NFYC: variants seen among roughly 807,000 people sequenced by gnomAD.
NFYC encodes the protein CAAT box DNA-binding protein subunit C.
In NFYC, 25 loss-of-function variants were observed where a neutral mutation model predicts 53.1. The observed-to-expected ratio is 0.47, with a 90% CI of 0.34 to 0.66. The LOEUF (loss-of-function observed/expected upper bound fraction) is 0.66, where lower values mean the gene tolerates loss of function less well. NFYC is among the 30% of genes least tolerant of loss of function. NFYC has a pLI of 0.01. For synonymous variants in NFYC, 145 were observed against 152.6 expected (o/e 0.95, Z 0.37); for missense variants, 260 against 422.7 (o/e 0.62, Z 3.38).
chr1:40,763,107 T>C, intron 7 of NFYC, 61 bp downstream of exon 7: 1 of 1,362,282 alleles, frequency 7.3e-7, no homozygotes, highest in South Asian at 1.6e-5. Flanking sequence ...TAAAGATATA[T>C]ATACCTTGAT....
At chr1:40,751,898 T>C (rs1645933347) in intron 4 of NFYC, among the ~76,000 whole-genome samples, 1 of 152,140 alleles carries the variant, frequency 6.6e-6, no homozygotes, top group African/African-American at 2.4e-5. Flanking sequence ...AGATGGGCCC[T>C]GCTTCAGTTG....
intron 6 of NFYC, among the ~76,000 whole-genome samples, chr1:40,762,373 T>G (rs1216685263): frequency 3.9e-5 from 6 of 152,226 alleles, no homozygotes; most frequent in Non-Finnish European, 8.8e-5. Flanking sequence ...CAGCGTGCAC[T>G]AGGGCCCGCC....
At chr1:40,721,322 T>A (rs1644319206) in intron 1 of NFYC, among the ~76,000 whole-genome samples, 1 of 152,236 alleles carries the variant, frequency 6.6e-6, no homozygotes, top group South Asian at 2.1e-4. Flanking sequence ...CCAGAACATG[T>A]TTCCTTCATG....
intron 1 of NFYC, among the ~76,000 whole-genome samples, chr1:40,726,055 G>A (rs528610282): frequency 2.6e-5 from 4 of 152,162 alleles, no homozygotes; most frequent in Admixed American, 6.5e-5. Context: ...TGACTGATTC[G>A]GGTGGTAGTT....
At chr1:40,742,284 C>T (rs1398833486) in intron 2 of NFYC, among the ~76,000 whole-genome samples, 1 of 151,582 alleles carries the variant, frequency 6.6e-6, no homozygotes, top group Non-Finnish European at 1.5e-5. Flanking sequence ...ATCCGTTCAT[C>T]TGTTAATGGA....
At chr1:40,746,253 GT>G (rs1476203640) in intron 2 of NFYC, among the ~76,000 whole-genome samples, 1 of 152,188 alleles carries the variant, frequency 6.6e-6, no homozygotes, top group Non-Finnish European at 1.5e-5. Context: ...AAAAATTGGT[GT>G]TTGAAGTTTG....
At chr1:40,765,020 T>G (rs1406477091) in intron 7 of NFYC, among the ~76,000 whole-genome samples, 1 of 152,196 alleles carries the variant, frequency 6.6e-6, no homozygotes, top group African/African-American at 2.4e-5. Flanking sequence ...GGACAAGGCT[T>G]TAGTTTTTCA....
intron 1 of NFYC, among the ~76,000 whole-genome samples, chr1:40,706,723 T>C (rs1314126115): frequency 6.6e-6 from 1 of 152,152 alleles, no homozygotes; most frequent in Admixed American, 6.6e-5. Flanking sequence ...AGCTGCCTCT[T>C]AAAAAACCGA....
intron 1 of NFYC, among the ~76,000 whole-genome samples, chr1:40,707,823 T>C (rs1319999623): frequency 6.8e-6 from 1 of 147,616 alleles, no homozygotes; most frequent in Non-Finnish European, 1.5e-5. Context: ...ACACCCCAGC[T>C]TCGGTGACAG....
chr1:40,760,131 T>A (rs904643195), intron 6 of NFYC, among the ~76,000 whole-genome samples: 1 of 152,176 alleles, frequency 6.6e-6, no homozygotes, highest in Non-Finnish European at 1.5e-5. Flanking sequence ...TAATTTTTAA[T>A]TTTTTTGTGG....
At chr1:40,706,668 TGAAAA>T (rs1471032640) in intron 1 of NFYC, among the ~76,000 whole-genome samples, 14 of 151,992 alleles carry the variant, frequency 9.2e-5, no homozygotes, top group South Asian at 4.2e-4. Flanking sequence ...AAAAAAATAA[TGAAAA>T]GAAAAGAAAA....
At chr1:40,749,458 A>G (rs1645791708) in intron 3 of NFYC, 115 bp from the exon 4 acceptor site, 2 of 757,948 alleles carry the variant, frequency 2.6e-6, no homozygotes, top group Middle Eastern at 2.7e-4. Flanking sequence ...TCTTGAGTAT[A>G]CCACCTCATT....
intron 7 of NFYC, among the ~76,000 whole-genome samples, chr1:40,765,108 C>T (rs1646747823): frequency 6.6e-6 from 1 of 152,226 alleles, no homozygotes; most frequent in Admixed American, 6.5e-5. Flanking sequence ...GTTTTCCAAA[C>T]TTCTGCCCAG....
intron 1 of NFYC, among the ~76,000 whole-genome samples, chr1:40,709,946 G>A (rs1290736327): frequency 1.3e-5 from 2 of 152,202 alleles, no homozygotes; most frequent in Non-Finnish European, 2.9e-5. Flanking sequence ...CTTTCCTACG[G>A]AATAAGCTGG....
intron 1 of NFYC, among the ~76,000 whole-genome samples, chr1:40,698,384 G>A (rs992007489): frequency 1.3e-5 from 2 of 151,210 alleles, no homozygotes; most frequent in African/African-American, 4.9e-5. Flanking sequence ...AAAAATTCAC[G>A]TTCAAGGTAC....
At chr1:40,710,141 C>T (rs924719376) in intron 1 of NFYC, among the ~76,000 whole-genome samples, 1 of 152,226 alleles carries the variant, frequency 6.6e-6, no homozygotes, top group African/African-American at 2.4e-5. Flanking sequence ...TACCAGTCTA[C>T]CTCTAGATTC....
Position 40,699,208 on chromosome 1 carries a change from A to C in NFYC, c.-9+7341A>C, listed in dbSNP as rs553367779. Among the ~76,000 whole-genome samples the C allele has an allele frequency of 7.9e-5, 12 of 152,256 alleles. No individual in the cohort carries two copies. In the South Asian group the frequency reaches 2.5e-3, roughly 32 times the overall value. ...AACCAAAAAAGGAATGAGATGACTC[A>C]TAGGAAATGATGTTAGAGTATAGAA... On this transcript the variant is annotated intron_variant, in intron 1 of 9. Coordinates refer to ENST00000447388, the MANE Select transcript of NFYC (RefSeq NM_014223.5).
At chr1:40,747,845 T>G (rs1645694447) in intron 3 of NFYC, among the ~76,000 whole-genome samples, 1 of 151,716 alleles carries the variant, frequency 6.6e-6, no homozygotes. Context: ...TGTTGGGTTT[T>G]TTTTTTTTTT....
chr1:40,755,858 T>G (rs1212272333), intron 5 of NFYC, among the ~76,000 whole-genome samples: 2 of 152,116 alleles, frequency 1.3e-5, no homozygotes, highest in Non-Finnish European at 2.9e-5. Flanking sequence ...TGGCAAGAGA[T>G]ATTTTGGGTT....
Sources: allele counts gnomAD v4.1 joint callset (sites outside exome capture counted in the v4.1 genomes callset), GRCh38; gene constraint gnomAD v4.1.1; transcripts MANE v1.5; gene names NCBI Gene and HGNC (gene_info 2026-07-23, HGNC 2026-07-21).